Variants in MLLT3 observed in about 807,000 individuals in gnomAD.
MLLT3 encodes the protein MLLT3 super elongation complex subunit, also known as protein AF-9.
Under a neutral mutation model 53.2 loss-of-function variants are expected in MLLT3, and 4 were observed. The observed-to-expected ratio is 0.08, with a 90% CI of 0.04 to 0.17. The LOEUF is 0.17. Among genes scored for constraint, MLLT3 ranks in the 10% least tolerant of loss-of-function variants. The pLI, the probability that MLLT3 is intolerant of heterozygous loss-of-function variation, is 1.00. For missense variants in MLLT3, 569 were observed against 684.0 expected, an observed-to-expected ratio of 0.83 and a Z score of 1.87; for synonymous variants, 283 against 230.6, an observed-to-expected ratio of 1.23 and a Z score of -2.06.
intron 2 of MLLT3, among the ~76,000 whole-genome samples, chr9:20,539,549 CCA>C (rs1162742956): frequency 6.6e-6 from 1 of 152,060 alleles, no homozygotes; most frequent in African/African-American, 2.4e-5. Context: ...GGGAGAAGTG[CCA>C]CACTTTTAAA....
intron 3 of MLLT3, among the ~76,000 whole-genome samples, chr9:20,450,872 A>C (rs1178999073): frequency 6.6e-6 from 1 of 152,226 alleles, no homozygotes; most frequent in African/African-American, 2.4e-5. Context: ...CTGCCATGTA[A>C]CTGGGAGCAT....
intron 4 of MLLT3, among the ~76,000 whole-genome samples, chr9:20,435,920 G>A (rs1823390287): frequency 6.6e-6 from 1 of 152,062 alleles, no homozygotes; most frequent in African/African-American, 2.4e-5. Context: ...ACGCATGGCG[G>A]GGTAGTGGAA....
Position 20,342,583 on chromosome 9 carries a change from G to C in MLLT3, c.*3860C>G, listed in dbSNP as rs370675025. The C allele has an allele frequency of 2.2e-4, 49 of 218,916 alleles. No homozygotes were observed. Among genetic ancestry groups the C allele is most frequent in the African/African-American group, 1.0e-3 (46 of 44,466 alleles). 13.6% of individuals were successfully genotyped at this position (218,916 alleles called of 1,614,324 possible). The stretch of plus-strand genomic sequence containing the variant: ...CATTTACAGTTTACAGACAGCGGTG[G>C]CTTTGTCTTCCTTTTAAATTGACTT... On this transcript the variant is annotated 3_prime_UTR_variant, in exon 11 of 11. Transcript: ENST00000380338.
intron 2 of MLLT3, among the ~76,000 whole-genome samples, chr9:20,590,017 C>G (rs1020787701): frequency 3.3e-5 from 5 of 152,148 alleles, no homozygotes; most frequent in Non-Finnish European, 7.4e-5. Flanking sequence ...GTAAGCAGCC[C>G]TCTGTGGAGC....
intron 2 of MLLT3, among the ~76,000 whole-genome samples, chr9:20,490,502 G>A (rs1824921236): frequency 6.6e-6 from 1 of 152,194 alleles, no homozygotes; most frequent in African/African-American, 2.4e-5. Context: ...AAGAAACAGA[G>A]ACCTCAGCCC....
At chr9:20,544,912 C>G (rs1405821061) in intron 2 of MLLT3, among the ~76,000 whole-genome samples, 2 of 151,830 alleles carry the variant, frequency 1.3e-5, no homozygotes, top group Admixed American at 6.6e-5. Flanking sequence ...AAGTAAGAAC[C>G]TGTCTTTAAA....
intron 5 of MLLT3, among the ~76,000 whole-genome samples, chr9:20,394,820 A>C (rs191116751): frequency 6.6e-6 from 1 of 152,156 alleles, no homozygotes; most frequent in African/African-American, 2.4e-5. Context: ...CAAAAGAATG[A>C]CATGCCAGTA....
At chr9:20,494,727 C>T (rs1825033508) in intron 2 of MLLT3, among the ~76,000 whole-genome samples, 1 of 152,122 alleles carries the variant, frequency 6.6e-6, no homozygotes, top group Admixed American at 6.6e-5. Flanking sequence ...TTCCCTACCA[C>T]GGACATTTTC....
At chr9:20,492,108 A>T (rs1824962270) in intron 2 of MLLT3, among the ~76,000 whole-genome samples, 2 of 152,120 alleles carry the variant, frequency 1.3e-5, no homozygotes, top group South Asian at 4.1e-4. Context: ...CTTAAATCTA[A>T]CCATAGCTAA....
intron 2 of MLLT3, among the ~76,000 whole-genome samples, chr9:20,555,516 T>TCTACA (rs1416002714): frequency 6.6e-6 from 1 of 152,174 alleles, no homozygotes; most frequent in African/African-American, 2.4e-5. Context: ...TCTACTACAT[T>TCTACA]CTACACTGAT....
chr9:20,482,941 C>T (rs1824701839), intron 2 of MLLT3, among the ~76,000 whole-genome samples: 1 of 152,182 alleles, frequency 6.6e-6, no homozygotes. Flanking sequence ...ATATCTTCCA[C>T]CCTCTTGTCC....
At chr9:20,608,062 T>C (rs1012040092) in intron 2 of MLLT3, among the ~76,000 whole-genome samples, 6 of 152,002 alleles carry the variant, frequency 3.9e-5, no homozygotes, top group Non-Finnish European at 2.9e-5. Context: ...GGACCACTTC[T>C]TTCTCTGCCC....
chr9:20,594,460 G>C (rs535722417), intron 2 of MLLT3, among the ~76,000 whole-genome samples: 1 of 152,228 alleles, frequency 6.6e-6, no homozygotes, highest in South Asian at 2.1e-4. Flanking sequence ...TTAGGATTAA[G>C]GGTTCTCTTA....
In MLLT3 at chr9:20,621,141, G is replaced by T. The variant is rs940997411; in HGVS notation, c.13-307C>A. 1.3e-5 allele frequency among the ~76,000 whole-genome samples: 2 copies of T among 152,322 alleles called. No individual in the cohort carries two copies. Among genetic ancestry groups the T allele is most frequent in the Admixed American group, 6.5e-5 (1 of 15,306 alleles). On this transcript the variant is annotated intron_variant, in intron 1 of 10. Transcript: ENST00000380338. The surrounding 1 kb of genome is among the most constrained non-coding windows in gnomAD (Gnocchi z 7.0). ...AAAGAGGGAGAACACACTCAGCCAC[G>T]ACAAGCACGACAACAAATGCATCGG...
chr9:20,363,820 T>C (rs979649542), intron 6 of MLLT3, among the ~76,000 whole-genome samples: 3 of 152,228 alleles, frequency 2.0e-5, no homozygotes, highest in Non-Finnish European at 4.4e-5. Context: ...AAATATTTAT[T>C]AAAGAATCTC....
At chr9:20,563,530 T>C (rs147409968) in intron 2 of MLLT3, among the ~76,000 whole-genome samples, 1 of 152,224 alleles carries the variant, frequency 6.6e-6, no homozygotes, top group African/African-American at 2.4e-5. Context: ...AACAGCTCCA[T>C]AAAGGTCCAC....
At chr9:20,542,687 G>C (rs1167509231) in intron 2 of MLLT3, among the ~76,000 whole-genome samples, 1 of 152,150 alleles carries the variant, frequency 6.6e-6, no homozygotes, top group Non-Finnish European at 1.5e-5. Context: ...AGTAAAATTA[G>C]CATAATTCTT....
intron 2 of MLLT3, among the ~76,000 whole-genome samples, chr9:20,561,391 G>A (rs976037951): frequency 1.3e-5 from 2 of 151,984 alleles, no homozygotes; most frequent in Non-Finnish European, 2.9e-5. Flanking sequence ...AAATAAATTC[G>A]TGTAATTAAA....
chr9:20,516,757 T>C (rs1459953107), intron 2 of MLLT3, among the ~76,000 whole-genome samples: 1 of 152,232 alleles, frequency 6.6e-6, no homozygotes, highest in Non-Finnish European at 1.5e-5. Context: ...ACATTTTACC[T>C]CAACTCTGTT....
Sources: gnomAD v4.1 joint callset for allele counts (sites outside exome capture counted in the v4.1 genomes callset) on GRCh38, gnomAD v4.1.1 for gene constraint, Gnocchi (gnomAD v3.1) non-coding constraint, MANE v1.5 for transcripts, NCBI Gene and HGNC (gene_info 2026-07-23, HGNC 2026-07-21) for gene names.